Variants in AGBL4 observed in about 807,000 individuals in gnomAD.
The protein encoded by AGBL4 is cytosolic carboxypeptidase 6.
AGBL4 carries 58 observed loss-of-function variants against 66.4 expected under a neutral mutation model. The observed-to-expected ratio is 0.87, with a 90% CI of 0.71 to 1.09. AGBL4 has a LOEUF of 1.09. Ranked by LOEUF, AGBL4 falls within the 50% of genes least tolerant of loss-of-function variation. AGBL4 has a pLI of 0.00. For synonymous variants in AGBL4, 234 were observed against 222.9 expected, an observed-to-expected ratio of 1.05 and a Z score of -0.44; for missense variants, 579 against 631.0, an observed-to-expected ratio of 0.92 and a Z score of 0.88.
chr1:48,812,313 A>C (rs146633664), intron 6 of AGBL4, among the ~76,000 whole-genome samples: 3 of 152,126 alleles, frequency 2.0e-5, no homozygotes, highest in Admixed American at 1.3e-4. Flanking sequence ...ATTTTAGGTG[A>C]ATAGTCATTT....
intron 2 of AGBL4, among the ~76,000 whole-genome samples, chr1:49,838,970 C>G (rs1319767997): frequency 6.6e-6 from 1 of 152,156 alleles, no homozygotes; most frequent in African/African-American, 2.4e-5. Flanking sequence ...TCTCAGATTA[C>G]TTGAAAAGAG....
intron 1 of AGBL4, among the ~76,000 whole-genome samples, chr1:49,912,851 G>A (rs1650995293): frequency 6.6e-6 from 1 of 152,192 alleles, no homozygotes; most frequent in African/African-American, 2.4e-5. Flanking sequence ...AAGAGAACAT[G>A]TGAAATAGAG....
At chr1:48,729,327 A>G (rs1320652483) in intron 6 of AGBL4, among the ~76,000 whole-genome samples, 1 of 152,198 alleles carries the variant, frequency 6.6e-6, no homozygotes, top group Non-Finnish European at 1.5e-5. Context: ...AGGGAACACA[A>G]ATATTCTGGA....
intron 5 of AGBL4, among the ~76,000 whole-genome samples, chr1:48,934,746 T>C (rs1043073413): frequency 1.3e-5 from 2 of 152,184 alleles, no homozygotes; most frequent in African/African-American, 4.8e-5. Flanking sequence ...ATTCCCCTCC[T>C]TTCTATTCCC....
At chr1:48,685,044 A>T (rs564970651) in intron 6 of AGBL4, among the ~76,000 whole-genome samples, 1 of 152,226 alleles carries the variant, frequency 6.6e-6, no homozygotes, top group South Asian at 2.1e-4. Flanking sequence ...CACTCTGGAG[A>T]TATAGGCTGA....
In AGBL4 at chr1:49,258,611, G is replaced by T. The variant is rs532048485; in HGVS notation, c.283-12747C>A. 2.6e-4 allele frequency among the ~76,000 whole-genome samples: 39 copies of T among 152,174 alleles called. 2 individuals carry two copies. In the South Asian group the frequency reaches 7.7e-3, roughly 30 times the overall value. On this transcript the variant is annotated intron_variant, in intron 3 of 13. Transcript: ENST00000371839. The stretch of plus-strand genomic sequence containing the variant: ...TGAGAAGGGAAGTTTAGAGAAAAAA[G>T]AATAAAAAGAAACAAACAAAGCCTC...
intron 6 of AGBL4, chr1:48,727,732 T>C (rs1398339420): frequency 1.4e-5 from 8 of 564,992 alleles, no homozygotes; most frequent in Admixed American, 3.6e-5. Flanking sequence ...GTCTTTGGAG[T>C]GTCCACATTC....
At chr1:48,651,820 G>T (rs1369835530) in intron 8 of AGBL4, among the ~76,000 whole-genome samples, 1 of 152,156 alleles carries the variant, frequency 6.6e-6, no homozygotes, top group African/African-American at 2.4e-5. Context: ...TCTGAGTTAG[G>T]CCACGGACTT....
intron 2 of AGBL4, among the ~76,000 whole-genome samples, chr1:49,731,210 G>A (rs1649418765): frequency 6.6e-6 from 1 of 152,120 alleles, no homozygotes; most frequent in South Asian, 2.1e-4. Context: ...TCTTCCCCAT[G>A]ACTCCTATAA....
At chr1:49,084,752 C>T (rs2147964840) in intron 4 of AGBL4, among the ~76,000 whole-genome samples, 1 of 152,256 alleles carries the variant, frequency 6.6e-6, no homozygotes, top group Non-Finnish European at 1.5e-5. Flanking sequence ...AGCATTCAGA[C>T]TCTTCTCTAG....
At chr1:49,177,125 A>G (rs1483005294) in intron 4 of AGBL4, among the ~76,000 whole-genome samples, 1 of 152,170 alleles carries the variant, frequency 6.6e-6, no homozygotes, top group African/African-American at 2.4e-5. Flanking sequence ...AAAGTGCTGG[A>G]ATAGTTAAAC....
intron 6 of AGBL4, chr1:48,776,730 G>C: frequency 6.5e-7 from 1 of 1,528,452 alleles, no homozygotes; most frequent in Non-Finnish European, 8.8e-7. Flanking sequence ...ACACCTTCTG[G>C]TTGTCAAAAT....
intron 3 of AGBL4, among the ~76,000 whole-genome samples, chr1:49,438,823 A>G (rs964284932): frequency 1.3e-5 from 2 of 152,178 alleles, no homozygotes; most frequent in Non-Finnish European, 2.9e-5. Flanking sequence ...AAGACTGAGT[A>G]ATTTGCAATA....
chr1:48,788,997 C>A (rs772597035), intron 6 of AGBL4, among the ~76,000 whole-genome samples: 3 of 152,040 alleles, frequency 2.0e-5, no homozygotes, highest in Admixed American at 1.3e-4. Flanking sequence ...TTACTTGATC[C>A]CCAGTAATGC....
intron 6 of AGBL4, among the ~76,000 whole-genome samples, chr1:48,714,352 T>C (rs1252568775): frequency 6.6e-6 from 1 of 152,152 alleles, no homozygotes; most frequent in Non-Finnish European, 1.5e-5. Flanking sequence ...TCCCAGCCAA[T>C]GATATCACTG....
intron 3 of AGBL4, among the ~76,000 whole-genome samples, chr1:49,468,834 G>A (rs1646682603): frequency 1.3e-5 from 2 of 151,772 alleles, no homozygotes. Flanking sequence ...CATTGTATGT[G>A]TATATAAAAA....
intron 3 of AGBL4, among the ~76,000 whole-genome samples, chr1:49,273,890 G>A (rs1466005441): frequency 1.3e-5 from 2 of 151,922 alleles, no homozygotes; most frequent in Non-Finnish European, 2.9e-5. Flanking sequence ...CACCGTGTTA[G>A]CCAGGATGGT....
chr1:49,400,253 A>G (rs1000233383), intron 3 of AGBL4, among the ~76,000 whole-genome samples: 3 of 152,100 alleles, frequency 2.0e-5, no homozygotes, highest in African/African-American at 4.8e-5. Context: ...GTTTGTTTTT[A>G]TGCCAGTACC....
At chr1:48,987,337 ATAT>A (rs1237400886) in intron 5 of AGBL4, among the ~76,000 whole-genome samples, 3 of 152,096 alleles carry the variant, frequency 2.0e-5, no homozygotes, top group Non-Finnish European at 4.4e-5. Flanking sequence ...AAGGTATACC[ATAT>A]TAACACTAAT....
Sources: allele counts gnomAD v4.1 joint callset (sites outside exome capture counted in the v4.1 genomes callset), GRCh38; gene constraint gnomAD v4.1.1; transcripts MANE v1.5; gene names NCBI Gene and HGNC (gene_info 2026-07-23, HGNC 2026-07-21).